NRXN1: variants seen among roughly 807,000 people sequenced by gnomAD.
The protein encoded by NRXN1 is neurexin-1.
NRXN1 carries 39 observed loss-of-function variants against 150.9 expected under a neutral mutation model. The ratio of observed to expected loss-of-function variants is 0.26; its 90% CI spans 0.20 to 0.34. The LOEUF (loss-of-function observed/expected upper bound fraction) is 0.34, where lower values mean the gene tolerates loss of function less well. Among genes scored for constraint, NRXN1 ranks in the 10% least tolerant of loss-of-function variants. The pLI is 1.00. For missense variants in NRXN1, 1,815 were observed against 1,949.9 expected (o/e 0.93, Z 1.30); for synonymous variants, 924 against 757.0 (o/e 1.22, Z -3.62).
At chr2:50,516,282 T>C (rs1251993213) in intron 12 of NRXN1, among the ~76,000 whole-genome samples, 3 of 152,152 alleles carry the variant, frequency 2.0e-5, no homozygotes, top group African/African-American at 7.2e-5. Flanking sequence ...AGTGGAGCAT[T>C]AACCCAAGCA....
chr2:50,559,862 G>T (rs1348881006), intron 8 of NRXN1, among the ~76,000 whole-genome samples: 2 of 152,002 alleles, frequency 1.3e-5, no homozygotes, highest in Non-Finnish European at 2.9e-5. Flanking sequence ...TTAGAAATTT[G>T]GTTTAAGCAC....
chr2:50,172,326 A>G (rs1346646572), intron 18 of NRXN1, among the ~76,000 whole-genome samples: 1 of 152,164 alleles, frequency 6.6e-6, no homozygotes, highest in African/African-American at 2.4e-5. Flanking sequence ...AAGGGAAATC[A>G]CATGTTAACT....
intron 15 of NRXN1, among the ~76,000 whole-genome samples, chr2:50,473,000 T>C (rs2089665533): frequency 6.6e-6 from 1 of 151,928 alleles, no homozygotes; most frequent in Non-Finnish European, 1.5e-5. Context: ...TATTATTAAA[T>C]TCACCTTCTG....
intron 21 of NRXN1, among the ~76,000 whole-genome samples, chr2:49,989,869 GA>G: frequency 6.6e-6 from 1 of 151,906 alleles, no homozygotes; most frequent in East Asian, 1.9e-4. Flanking sequence ...GTTTTTTAAT[GA>G]AAAAATGACA....
chr2:50,525,129 T>G (rs10168080), intron 12 of NRXN1, among the ~76,000 whole-genome samples: 1 of 152,134 alleles, frequency 6.6e-6, no homozygotes, highest in Non-Finnish European at 1.5e-5. Context: ...ACTAAAGTCA[T>G]TTAATACTAT....
At chr2:50,952,726 C>A (rs1408200158) in intron 2 of NRXN1, among the ~76,000 whole-genome samples, 3 of 152,200 alleles carry the variant, frequency 2.0e-5, no homozygotes, top group African/African-American at 7.2e-5. Flanking sequence ...CCAGGCCATG[C>A]AATTTGGCAG....
At chr2:50,621,330 T>C in intron 6 of NRXN1, 81 bp from the exon 7 acceptor site, 1 of 1,072,250 alleles carries the variant, frequency 9.3e-7, no homozygotes, top group South Asian at 1.4e-5. Flanking sequence ...TGATGGTCTC[T>C]ACCATGTTAG....
At chr2:50,727,335 A>G (rs1697500408) in intron 5 of NRXN1, among the ~76,000 whole-genome samples, 1 of 152,232 alleles carries the variant, frequency 6.6e-6, no homozygotes, top group African/African-American at 2.4e-5. Flanking sequence ...TCAATGTGTT[A>G]ACACTAAAGT....
At chr2:50,850,498 G>A (rs1674363136) in intron 5 of NRXN1, among the ~76,000 whole-genome samples, 1 of 152,156 alleles carries the variant, frequency 6.6e-6, no homozygotes, top group Non-Finnish European at 1.5e-5. Context: ...TTCAGTCACA[G>A]TAGGCTCAGA....
At chr2:50,922,711 T>A (rs2104291901) in intron 3 of NRXN1, 24 bp from the exon 4 acceptor site, 1 of 1,609,136 alleles carries the variant, frequency 6.2e-7, no homozygotes, top group East Asian at 2.2e-5. Flanking sequence ...AAGAGCACAG[T>A]CAGCAATAAA....
intron 12 of NRXN1, among the ~76,000 whole-genome samples, chr2:50,515,565 C>A (rs1293677422): frequency 3.3e-5 from 5 of 149,360 alleles, no homozygotes; most frequent in Admixed American, 3.3e-4. Flanking sequence ...TCCTTTTCTG[C>A]AAATTTAGAA....
chr2:50,411,046 C>A (rs1340158674), intron 17 of NRXN1, among the ~76,000 whole-genome samples: 1 of 151,976 alleles, frequency 6.6e-6, no homozygotes, highest in African/African-American at 2.4e-5. Flanking sequence ...CCCTCTCCCC[C>A]TCCCCGTCCC....
chr2:50,483,361 T>C (rs2090621267), intron 15 of NRXN1, among the ~76,000 whole-genome samples: 2 of 152,296 alleles, frequency 1.3e-5, no homozygotes, highest in African/African-American at 4.8e-5. Flanking sequence ...GTATACTCAG[T>C]TCAGCAGTCC....
At chr2:50,629,665 C>T (rs1573877755) in intron 5 of NRXN1, among the ~76,000 whole-genome samples, 2 of 151,688 alleles carry the variant, frequency 1.3e-5, no homozygotes, top group South Asian at 4.1e-4. Flanking sequence ...ATGAATTTGT[C>T]TGATGAAGTA....
chr2:50,767,776 C>T (rs1702540592), intron 5 of NRXN1, among the ~76,000 whole-genome samples: 1 of 151,864 alleles, frequency 6.6e-6, no homozygotes, highest in Non-Finnish European at 1.5e-5. Context: ...CATTTTAATC[C>T]TGGGTTATAT....
chr2:50,512,039 CTATTTT>C (rs1427699732), intron 12 of NRXN1, among the ~76,000 whole-genome samples: 4 of 151,984 alleles, frequency 2.6e-5, no homozygotes, highest in Admixed American at 6.6e-5. Context: ...CTCTCTATTC[CTATTTT>C]TATCTGTAAA....
At chr2:50,943,423 T>C (rs1689802525) in intron 2 of NRXN1, among the ~76,000 whole-genome samples, 1 of 152,196 alleles carries the variant, frequency 6.6e-6, no homozygotes, top group African/African-American at 2.4e-5. Context: ...TCCAGAGTGG[T>C]TAAGCTGCTA....
chr2:50,376,036 CAT>C (rs200888302), intron 17 of NRXN1, among the ~76,000 whole-genome samples: 6 of 144,410 alleles, frequency 4.2e-5, no homozygotes, highest in South Asian at 2.2e-4. Flanking sequence ...CACATAAATA[CAT>C]ATATATATAC....
At chr2:50,376,371 A>C (rs1373899964) in intron 17 of NRXN1, among the ~76,000 whole-genome samples, 1 of 151,828 alleles carries the variant, frequency 6.6e-6, no homozygotes, top group East Asian at 1.9e-4. Flanking sequence ...CAAAATGAAA[A>C]AAAAAAAAAA....
Sources: allele counts gnomAD v4.1 joint callset (sites outside exome capture counted in the v4.1 genomes callset), GRCh38; gene constraint gnomAD v4.1.1; transcripts MANE v1.5; gene names NCBI Gene and HGNC (gene_info 2026-07-23, HGNC 2026-07-21).